Variants in PLCG2 observed in about 807,000 individuals in gnomAD.
PLCG2 encodes 1-phosphatidylinositol 4,5-bisphosphate phosphodiesterase gamma-2.
A neutral mutation model predicts 175.6 loss-of-function variants in PLCG2; 69 were observed. That is an observed-to-expected ratio of 0.39 (90% CI 0.32 to 0.48). The LOEUF is 0.48. Among genes scored for constraint, PLCG2 ranks in the 20% least tolerant of loss-of-function variants. The pLI is 0.91. For synonymous variants in PLCG2, 827 were observed against 624.0 expected (o/e 1.33, Z -4.85); for missense variants, 1,798 against 1,650.9 (o/e 1.09, Z -1.54).
intron 18 of PLCG2, 32 bp downstream of exon 18, chr16:81,910,752 C>T (rs555975146): frequency 1.3e-5 from 20 of 1,591,194 alleles, no homozygotes; most frequent in South Asian, 1.2e-4. Flanking sequence ...AGGAGGCAGG[C>T]GGTGGTCGGG....
In PLCG2 at chr16:81,937,812, A is replaced by G; in HGVS notation, c.3107A>G (p.Tyr1036Cys). 1.2e-6 allele frequency: 2 copies of G among 1,613,854 alleles called. No homozygotes were observed. The change falls in exon 28 of 33, where the codon TAC becomes TGC. Residue 1036 changes from tyrosine to cysteine, a missense_variant. Coordinates refer to ENST00000564138, the MANE Select transcript of PLCG2 (RefSeq NM_002661.5). ...TTTTCTCTCAATGGGCGCACGGGCTACGTTCTGCAGCCTGAGAGCATGAGG... is the reference window on the plus strand; with the variant it reads ...TTTTCTCTCAATGGGCGCACGGGCTGCGTTCTGCAGCCTGAGAGCATGAGG... ...ALFSLNGRTG[Y>C]VLQPESMRTE...
intron 2 of PLCG2, among the ~76,000 whole-genome samples, chr16:81,790,772 C>T (rs1035533340): frequency 6.6e-6 from 1 of 152,012 alleles, no homozygotes; most frequent in African/African-American, 2.4e-5. Context: ...TTTTGCCTCT[C>T]CCTCCCTACT....
intron 31 of PLCG2, among the ~76,000 whole-genome samples, chr16:81,955,924 A>G (rs1417094522): frequency 2.0e-5 from 3 of 152,164 alleles, no homozygotes; most frequent in Non-Finnish European, 4.4e-5. Flanking sequence ...ATAACCACAT[A>G]TCATATAATC....
chr16:81,836,316 C>G (rs944444369), intron 2 of PLCG2, among the ~76,000 whole-genome samples: 5 of 152,182 alleles, frequency 3.3e-5, no homozygotes, highest in African/African-American at 1.2e-4. Context: ...TCCTGGTGCC[C>G]TGTATTGGCC....
At chr16:81,834,015 G>A (rs1276128369) in intron 2 of PLCG2, among the ~76,000 whole-genome samples, 2 of 152,196 alleles carry the variant, frequency 1.3e-5, no homozygotes, top group Non-Finnish European at 2.9e-5. Context: ...GGGAGCAGCT[G>A]CTGGAACGTG....
In PLCG2 at chr16:81,961,789, G is replaced by T. The variant is rs1011628522; in HGVS notation, c.*3791G>T. 2.5e-5 allele frequency: 5 copies of T among 203,550 alleles called. No individual in the cohort carries two copies. The highest frequency in any genetic ancestry group is 6.0e-5 in the Admixed American group (1 of 16,746). The allele number at this position is 203,550 out of a possible 1,614,324, so 12.6% of individuals were successfully genotyped here. ...TACAACAGTTTTATTTAAACATGTA[G>T]TGTCTACGGTATGCCAGCACTTTGC... On this transcript the variant is annotated 3_prime_UTR_variant, in exon 33 of 33. Coordinates refer to ENST00000564138, the MANE Select transcript of PLCG2 (RefSeq NM_002661.5).
At position 81,833,947 on chromosome 16, in the gene PLCG2, A is replaced by G. The variant is rs1052257124; in HGVS notation, c.194-20497A>G. Among the ~76,000 whole-genome samples, 78 of 152,174 alleles carry G rather than the reference A, an allele frequency of 5.1e-4. 1 individual carries two copies. The highest frequency in any genetic ancestry group is 2.9e-5 in the Non-Finnish European group (2 of 68,028). ...AGGCTTACCTGACTTCAAAGGAAGC[A>G]TTCATCTTTAGCCAGAAGCTAGCAG... On this transcript the variant is annotated intron_variant, in intron 2 of 32. Transcript: ENST00000564138.
At chr16:81,807,079 A>G (rs1281762242) in intron 2 of PLCG2, among the ~76,000 whole-genome samples, 1 of 152,058 alleles carries the variant, frequency 6.6e-6, no homozygotes, top group Non-Finnish European at 1.5e-5. Context: ...AAGGCTTCCT[A>G]GGTCATGTTT....
At chr16:81,774,958 C>G (rs1439516054), upstream of PLCG2, among the ~76,000 whole-genome samples, 2 of 152,040 alleles carry the variant, frequency 1.3e-5, no homozygotes, top group Non-Finnish European at 2.9e-5. Flanking sequence ...GTTGTCCAGG[C>G]TAGTCTTGAA....
At chr16:81,870,128 A>G (rs908949389) in intron 6 of PLCG2, among the ~76,000 whole-genome samples, 6 of 152,212 alleles carry the variant, frequency 3.9e-5, no homozygotes, top group African/African-American at 1.4e-4. Flanking sequence ...ATAATAGAAA[A>G]AGAGAAAAGG....
intron 2 of PLCG2, among the ~76,000 whole-genome samples, chr16:81,772,244 G>A (rs1910297614): frequency 2.0e-5 from 3 of 152,134 alleles, no homozygotes; most frequent in Admixed American, 2.0e-4. Context: ...CAGAGGCAGA[G>A]TTAGAGTGAT....
intron 3 of PLCG2, among the ~76,000 whole-genome samples, chr16:81,855,673 G>A (rs1318843145): frequency 6.6e-6 from 1 of 152,174 alleles, no homozygotes; most frequent in African/African-American, 2.4e-5. Context: ...CCTAGTGCAA[G>A]CATGATACAG....
intron 19 of PLCG2, among the ~76,000 whole-genome samples, chr16:81,914,723 C>T (rs1315816949): frequency 6.6e-6 from 1 of 152,202 alleles, no homozygotes; most frequent in Non-Finnish European, 1.5e-5. Flanking sequence ...CATCGCCTTA[C>T]TCCAAGTGTT....
Position 81,956,895 on chromosome 16 carries a change from C to G in PLCG2, c.3755+16C>G. ...GCAACAAGAGGTAGGTCAGCCCCTC[C>G]ACCTGCAAAAACTTTTGGGGGGTCT... On this transcript the variant is annotated intron_variant, in intron 32 of 32. Coordinates refer to ENST00000564138, the MANE Select transcript of PLCG2 (RefSeq NM_002661.5). The G allele has an allele frequency of 6.2e-7, 1 of 1,607,490 alleles. No individual in the cohort carries two copies. Among genetic ancestry groups the G allele is most frequent in the Non-Finnish European group, 8.5e-7 (1 of 1,175,304 alleles).
intron 30 of PLCG2, among the ~76,000 whole-genome samples, chr16:81,941,169 C>G (rs1167345556): frequency 6.6e-6 from 1 of 152,128 alleles, no homozygotes; most frequent in African/African-American, 2.4e-5. Context: ...TGTATAATAT[C>G]ATAAACCTGA....
At chr16:81,751,325 A>C (rs1909808607) in intron 1 of PLCG2, among the ~76,000 whole-genome samples, 4 of 152,334 alleles carry the variant, frequency 2.6e-5, no homozygotes, top group African/African-American at 9.6e-5. Context: ...CATTTGCGAC[A>C]ACATGGATAA....
At chr16:81,842,025 C>G (rs996508651) in intron 2 of PLCG2, among the ~76,000 whole-genome samples, 2 of 152,354 alleles carry the variant, frequency 1.3e-5, no homozygotes, top group African/African-American at 4.8e-5. Flanking sequence ...ATTTTTATTT[C>G]ATGTTATTTC....
intron 2 of PLCG2, among the ~76,000 whole-genome samples, chr16:81,799,728 G>A (rs949774593): frequency 2.0e-5 from 3 of 151,930 alleles, no homozygotes; most frequent in African/African-American, 7.3e-5. Flanking sequence ...GAGTAGCTGG[G>A]ACTACAGGCG....
In PLCG2 at chr16:81,931,578, T is replaced by G; in HGVS notation, c.2663T>G (p.Phe888Cys). 2 of 1,614,010 alleles carry G rather than the reference T, an allele frequency of 1.2e-6. No homozygotes were observed. Among genetic ancestry groups the G allele is most frequent in the Non-Finnish European group, 1.7e-6 (2 of 1,179,972 alleles). Reference protein sequence around the residue: ...PKQQGDPPVEFATDRVEELFE... With the variant: ...PKQQGDPPVECATDRVEELFE... ...CAGCAGGGCGATCCTCCGGTGGAGTTTGCCACAGACAGGGTGGAGGAGCTC... is the reference window on the plus strand; with the variant it reads ...CAGCAGGGCGATCCTCCGGTGGAGTGTGCCACAGACAGGGTGGAGGAGCTC... The change falls in exon 25 of 33, where the codon TTT becomes TGT. Residue 888 changes from phenylalanine (F) to cysteine (C), a missense_variant. Phe to Cys is a radical substitution (Grantham distance 205). Transcript: ENST00000564138.
Sources: allele counts gnomAD v4.1 joint callset (sites outside exome capture counted in the v4.1 genomes callset), GRCh38; gene constraint gnomAD v4.1.1; transcripts MANE v1.5; gene names NCBI Gene and HGNC (gene_info 2026-07-23, HGNC 2026-07-21).